MLLT10: variants seen among roughly 807,000 people sequenced by gnomAD.
MLLT10 encodes protein AF-10.
MLLT10 carries 30 observed loss-of-function variants against 129.1 expected under a neutral mutation model. That is an observed-to-expected ratio of 0.23 (90% CI 0.17 to 0.32). The LOEUF (loss-of-function observed/expected upper bound fraction) is 0.32. Among genes scored for constraint, MLLT10 ranks in the 10% least tolerant of loss-of-function variants. The probability of loss-of-function intolerance (pLI) is 1.00; values close to 1 mark genes in which losing one functional copy is unlikely to be tolerated. For synonymous variants in MLLT10, 490 were observed against 446.4 expected, an observed-to-expected ratio of 1.10 and a Z score of -1.23; for missense variants, 1,119 against 1,268.3, an observed-to-expected ratio of 0.88 and a Z score of 1.79.
chr10:21,601,593 T>C (rs554440497), intron 5 of MLLT10, among the ~76,000 whole-genome samples: 2 of 152,202 alleles, frequency 1.3e-5, no homozygotes, highest in Non-Finnish European at 2.9e-5. Context: ...TGGACAGTTA[T>C]GTCTCACGAT....
chr10:21,657,284 A>T (rs148575519), intron 9 of MLLT10, among the ~76,000 whole-genome samples: 4,638 of 151,342 alleles, frequency 0.031, 240 homozygotes, highest in African/African-American at 0.11. Context: ...TCCCAGCTAC[A>T]CGAGAGGCTG....
intron 3 of MLLT10, among the ~76,000 whole-genome samples, chr10:21,580,853 C>T (rs1045032264): frequency 4.1e-5 from 6 of 146,712 alleles, no homozygotes; most frequent in African/African-American, 1.5e-4. Flanking sequence ...AGGTGCACAC[C>T]ACCACGCCCA....
chr10:21,690,399 A>G (rs931113113), intron 13 of MLLT10, among the ~76,000 whole-genome samples: 26 of 152,264 alleles, frequency 1.7e-4, no homozygotes, highest in Admixed American at 9.8e-4. Flanking sequence ...GAATTTTTAA[A>G]TTATTAGAAA....
chr10:21,638,580 G>A (rs2047683139), intron 8 of MLLT10, among the ~76,000 whole-genome samples: 2 of 152,128 alleles, frequency 1.3e-5, no homozygotes, highest in African/African-American at 4.8e-5. Context: ...GGTGGCTTAT[G>A]CCTGTAATCC....
At chr10:21,643,311 G>A (rs2131300296) in intron 8 of MLLT10, among the ~76,000 whole-genome samples, 1 of 152,304 alleles carries the variant, frequency 6.6e-6, no homozygotes, top group Non-Finnish European at 1.5e-5. Flanking sequence ...GGGGTTACAG[G>A]TGTGAGCCAC....
intron 8 of MLLT10, among the ~76,000 whole-genome samples, chr10:21,618,392 A>G (rs1233571181): frequency 6.6e-6 from 1 of 151,644 alleles, no homozygotes; most frequent in Non-Finnish European, 1.5e-5. Flanking sequence ...AATCCCAGCT[A>G]CTCAGGAGGT....
At chr10:21,740,306 C>T in intron 22 of MLLT10, 70 bp downstream of exon 22, 1 of 1,523,900 alleles carries the variant, frequency 6.6e-7, no homozygotes, top group Non-Finnish European at 9.0e-7. Context: ...TGATCATTTT[C>T]CAGCCTGGTT....
At chr10:21,681,291 G>T in intron 11 of MLLT10, 41 bp from the exon 12 acceptor site, 2 of 1,608,750 alleles carry the variant, frequency 1.2e-6, no homozygotes, top group African/African-American at 1.3e-5. Context: ...TGAGTCACTG[G>T]CAATTTCTTC....
chr10:21,733,203 A>G, intron 18 of MLLT10, 116 bp downstream of exon 18: 1 of 1,094,856 alleles, frequency 9.1e-7, no homozygotes, highest in Non-Finnish European at 1.3e-6. Context: ...AAGGAACTAT[A>G]GGTTGTTTTT....
intron 9 of MLLT10, among the ~76,000 whole-genome samples, chr10:21,653,789 C>A (rs2049288595): frequency 6.6e-6 from 1 of 152,154 alleles, no homozygotes; most frequent in South Asian, 2.1e-4. Context: ...AGTTGGATAA[C>A]TAGTCTGGTA....
intron 9 of MLLT10, among the ~76,000 whole-genome samples, chr10:21,653,907 A>G (rs1454908547): frequency 6.6e-6 from 1 of 152,220 alleles, no homozygotes; most frequent in African/African-American, 2.4e-5. Context: ...AAGTGAGTGC[A>G]GGTAGAGAAA....
intron 21 of MLLT10, among the ~76,000 whole-genome samples, chr10:21,736,535 C>T (rs537049467): frequency 6.7e-4 from 102 of 152,296 alleles, no homozygotes; most frequent in Non-Finnish European, 1.2e-3. Flanking sequence ...CTGCCCTTAG[C>T]CTTCCAAAGT....
intron 4 of MLLT10, among the ~76,000 whole-genome samples, chr10:21,593,236 A>G (rs2042685106): frequency 6.6e-6 from 1 of 151,950 alleles, no homozygotes; most frequent in Non-Finnish European, 1.5e-5. Flanking sequence ...CTGGGACTAT[A>G]GGTGCATGCT....
chr10:21,619,331 CTTCTG>C (rs1461167754), intron 8 of MLLT10, among the ~76,000 whole-genome samples: 10 of 152,150 alleles, frequency 6.6e-5, no homozygotes, highest in African/African-American at 2.4e-4. Context: ...TATTAATGGT[CTTCTG>C]TTCTGCCATT....
chr10:21,676,276 G>A (rs1461111164), intron 11 of MLLT10, among the ~76,000 whole-genome samples: 1 of 151,914 alleles, frequency 6.6e-6, no homozygotes, highest in Non-Finnish European at 1.5e-5. Flanking sequence ...AAGTAGCCCG[G>A]CATGGTGGCG....
At chr10:21,717,870 CCTCCTT>C (rs1316069608) in intron 14 of MLLT10, among the ~76,000 whole-genome samples, 5 of 146,768 alleles carry the variant, frequency 3.4e-5, no homozygotes, top group African/African-American at 1.3e-4. Flanking sequence ...TCCTTCTCCT[CCTCCTT>C]CTCCTCCTCC....
intron 11 of MLLT10, among the ~76,000 whole-genome samples, chr10:21,679,790 G>A (rs1053052173): frequency 6.6e-6 from 1 of 152,110 alleles, no homozygotes; most frequent in Non-Finnish European, 1.5e-5. Flanking sequence ...TACCAGGTGA[G>A]CATCACTAAT....
chr10:21,735,967 G>A (rs1023877150), intron 21 of MLLT10, among the ~76,000 whole-genome samples: 1 of 152,148 alleles, frequency 6.6e-6, no homozygotes, highest in Non-Finnish European at 1.5e-5. Flanking sequence ...CAAAAGTAGA[G>A]TGGAGAGCAC....
chr10:21,541,814 A>C (rs1160757953), intron 3 of MLLT10, among the ~76,000 whole-genome samples: 2 of 152,156 alleles, frequency 1.3e-5, no homozygotes, highest in Admixed American at 1.3e-4. Context: ...GTGCCCGGCC[A>C]GAGCAATTTT....
Sources: allele counts gnomAD v4.1 joint callset (sites outside exome capture counted in the v4.1 genomes callset), GRCh38; gene constraint gnomAD v4.1.1; transcripts MANE v1.5; gene names NCBI Gene and HGNC (gene_info 2026-07-23, HGNC 2026-07-21).